The following CNBD1 variants were observed in gnomAD, a reference collection of about 807,000 sequenced individuals.
The protein encoded by CNBD1 is cyclic nucleotide binding domain containing 1.
CNBD1 carries 71 observed loss-of-function variants against 54.4 expected under a neutral mutation model. That is an observed-to-expected ratio of 1.30 (90% confidence interval 1.08 to 1.59). The LOEUF is 1.59. Among genes scored for constraint, CNBD1 ranks in the 40% most tolerant of loss-of-function variants. CNBD1 has a pLI of 0.00. For synonymous variants in CNBD1, 182 were observed against 170.7 expected, an observed-to-expected ratio of 1.07 and a Z score of -0.51; for missense variants, 659 against 518.0, an observed-to-expected ratio of 1.27 and a Z score of -2.64.
At chr8:87,423,586 T>C (rs1185342905) in intron 2 of CNBD1, among the ~76,000 whole-genome samples, 1 of 148,826 alleles carries the variant, frequency 6.7e-6, no homozygotes, top group Admixed American at 6.6e-5. Flanking sequence ...ATTTATTGAT[T>C]TGCGTATATT....
intron 5 of CNBD1, among the ~76,000 whole-genome samples, chr8:87,227,859 C>T (rs1192675752): frequency 6.8e-6 from 1 of 148,080 alleles, no homozygotes; most frequent in African/African-American, 2.6e-5. Flanking sequence ...TCCATTCTCC[C>T]CATCACTTTC....
chr8:86,958,604 G>A (rs539075599), intron 4 of CNBD1, among the ~76,000 whole-genome samples: 2 of 151,980 alleles, frequency 1.3e-5, no homozygotes, highest in East Asian at 3.9e-4. Context: ...GTCTCTTTTG[G>A]TCTTTATTGG....
chr8:87,295,340 G>C (rs928664643), intron 8 of CNBD1, among the ~76,000 whole-genome samples: 1 of 151,784 alleles, frequency 6.6e-6, no homozygotes, highest in Non-Finnish European at 1.5e-5. Context: ...TTCTTACTCA[G>C]AATTTAGCCT....
At chr8:87,372,885 G>A (rs76665826) in intron 10 of CNBD1, among the ~76,000 whole-genome samples, 3 of 151,758 alleles carry the variant, frequency 2.0e-5, no homozygotes, top group Non-Finnish European at 2.9e-5. Flanking sequence ...CTCCCAGGAA[G>A]AGCATTGTCA....
At chr8:87,332,846 T>C (rs1379222051) in intron 8 of CNBD1, among the ~76,000 whole-genome samples, 1 of 152,152 alleles carries the variant, frequency 6.6e-6, no homozygotes, top group African/African-American at 2.4e-5. Flanking sequence ...GGATTGCCTT[T>C]GCTATGCAGG....
intron 5 of CNBD1, among the ~76,000 whole-genome samples, chr8:87,223,566 T>C (rs1814397602): frequency 6.6e-6 from 1 of 152,228 alleles, no homozygotes; most frequent in South Asian, 2.1e-4. Context: ...ACAAAGGACA[T>C]GAACTCATCC....
chr8:87,086,010 C>T lies in CNBD1; in HGVS notation c.432-119983C>T, dbSNP rs181895343. On this transcript the variant is annotated intron_variant, in intron 4 of 10. Transcript: ENST00000518476. ...ATAGGGCAAAGGGATCATGCTTTCC[C>T]TCAGTGTCTGTTCCTTCCCTTTTTC... Among the ~76,000 whole-genome samples, 550 of 152,254 alleles carry T rather than the reference C, an allele frequency of 3.6e-3. 3 individuals carry two copies. The highest frequency in any genetic ancestry group is 0.012 in the African/African-American group (503 of 41,546).
intron 2 of CNBD1, among the ~76,000 whole-genome samples, chr8:87,411,028 C>A (rs2130984778): frequency 6.6e-6 from 1 of 152,140 alleles, no homozygotes; most frequent in Admixed American, 6.5e-5. Flanking sequence ...ATTGTTTAAA[C>A]ATAACTTTTA....
At chr8:87,004,049 A>T (rs752697810) in intron 4 of CNBD1, among the ~76,000 whole-genome samples, 7 of 152,228 alleles carry the variant, frequency 4.6e-5, no homozygotes, top group Non-Finnish European at 7.3e-5. Context: ...TAAACGTGAC[A>T]TACCGTATAT....
chr8:87,334,719 C>CTTTTTTTTTT (rs758083191), intron 8 of CNBD1, among the ~76,000 whole-genome samples: 3 of 126,158 alleles, frequency 2.4e-5, no homozygotes, highest in Non-Finnish European at 1.7e-5. Context: ...TTTCTTTTTT[C>CTTTTTTTTTT]TTTTCTTTTT....
chr8:87,248,997 A>G (rs923331186), intron 6 of CNBD1, among the ~76,000 whole-genome samples: 6 of 152,236 alleles, frequency 3.9e-5, no homozygotes, highest in East Asian at 1.9e-4. Context: ...ACTCACTACT[A>G]TAACTCCTGC....
At chr8:87,377,311 C>A (rs1295764442) in intron 10 of CNBD1, among the ~76,000 whole-genome samples, 1 of 148,132 alleles carries the variant, frequency 6.8e-6, no homozygotes, top group Non-Finnish European at 1.5e-5. Context: ...CCTCCCCACA[C>A]CCCACAACAG....
downstream of CNBD1, among the ~76,000 whole-genome samples, chr8:87,384,679 C>T (rs535569921): frequency 1.1e-4 from 17 of 152,172 alleles, no homozygotes; most frequent in East Asian, 9.6e-4. Flanking sequence ...TTTTTTTCCA[C>T]TTACTAAGGA....
chr8:87,018,078 T>C (rs1487070703), intron 4 of CNBD1, among the ~76,000 whole-genome samples: 1 of 151,982 alleles, frequency 6.6e-6, no homozygotes, highest in East Asian at 1.9e-4. Context: ...ACCCCATCTC[T>C]ACTGAAAATG....
intron 4 of CNBD1, among the ~76,000 whole-genome samples, chr8:87,093,471 T>A (rs1303267753): frequency 2.0e-5 from 3 of 152,194 alleles, no homozygotes; most frequent in Non-Finnish European, 4.4e-5. Flanking sequence ...AGTACCTCAA[T>A]CTTTCTTTTC....
intron 8 of CNBD1, among the ~76,000 whole-genome samples, chr8:87,343,667 G>A (rs1392079164): frequency 6.6e-6 from 1 of 152,030 alleles, no homozygotes; most frequent in Admixed American, 6.6e-5. Context: ...TAAAGTTAGT[G>A]GAACACTTTT....
intron 10 of CNBD1, among the ~76,000 whole-genome samples, chr8:87,366,321 C>T (rs1174007146): frequency 6.6e-6 from 1 of 152,016 alleles, no homozygotes; most frequent in Non-Finnish European, 1.5e-5. Flanking sequence ...GATTTCATTT[C>T]CTTGCAGCTG....
rs145518631 is a variant in CNBD1 at position 87,216,635 on chromosome 8, C to T, written c.577+10497C>T. ...CTGTGCAGGATAAAGCTCACTGTCC[C>T]TTTCTTATGTTTGAGGACTCTGAGT... is the stretch of plus-strand genomic sequence containing the variant. On this transcript the variant is annotated intron_variant, in intron 5 of 10. Transcript: ENST00000518476. Among the ~76,000 whole-genome samples the T allele has an allele frequency of 3.0e-3, 460 of 152,202 alleles. 5 individuals are homozygous for T. The highest frequency in any genetic ancestry group is 9.7e-3 in the African/African-American group (402 of 41,544).
chr8:86,866,531 T>A lies in CNBD1; in HGVS notation c.36T>A (p.Ser12=), dbSNP rs772943213. ...CTTCTCTTCCAGCAGCTATTTTGTC[T>A]CACATGACAGCTATTAACAATGTGC... ...PMSSLPAAIL[S]HMTAINNVPP... The change falls in exon 1 of 11, where the codon TCT becomes TCA. Residue 12 remains serine (S), a synonymous_variant. Coordinates refer to ENST00000518476, the MANE Select transcript of CNBD1 (RefSeq NM_173538.3). 1 of 1,612,392 alleles carries A rather than the reference T, an allele frequency of 6.2e-7. No homozygotes were observed. Among genetic ancestry groups the A allele is most frequent in the Non-Finnish European group, 8.5e-7 (1 of 1,179,340 alleles).
Sources: allele counts gnomAD v4.1 joint callset (sites outside exome capture counted in the v4.1 genomes callset), GRCh38; gene constraint gnomAD v4.1.1; transcripts MANE v1.5; gene names NCBI Gene and HGNC (gene_info 2026-07-23, HGNC 2026-07-21).